The following GLRA3 variants were observed in gnomAD, a reference collection of about 807,000 sequenced individuals.
The protein encoded by GLRA3 is glycine receptor alpha 3, also known as glycine receptor subunit alpha-3.
Under a neutral mutation model 60.4 loss-of-function variants are expected in GLRA3, and 44 were observed. The observed-to-expected ratio is 0.73, with a 90% CI of 0.57 to 0.94. The LOEUF (loss-of-function observed/expected upper bound fraction) is 0.94, where lower values mean the gene tolerates loss of function less well. Among genes scored for constraint, GLRA3 ranks in the 40% least tolerant of loss-of-function variants. The probability of loss-of-function intolerance (pLI) is 0.00; values close to 1 mark genes in which losing one functional copy is unlikely to be tolerated. For synonymous variants in GLRA3, 223 were observed against 192.9 expected (o/e 1.16, Z -1.29); for missense variants, 508 against 564.6 (o/e 0.90, Z 1.02).
chr4:174,686,009 T>G (rs1734541965), intron 5 of GLRA3, among the ~76,000 whole-genome samples: 1 of 152,228 alleles, frequency 6.6e-6, no homozygotes, highest in African/African-American at 2.4e-5. Context: ...CTAATACAAT[T>G]TATAGACAGT....
chr4:174,781,987 T>C (rs1355772298), intron 2 of GLRA3, among the ~76,000 whole-genome samples: 3 of 150,816 alleles, frequency 2.0e-5, no homozygotes, highest in African/African-American at 7.3e-5. Flanking sequence ...ATCATTCTGA[T>C]ACCAAAGCCG....
intron 1 of GLRA3, among the ~76,000 whole-genome samples, chr4:174,807,174 G>A (rs1470576306): frequency 1.3e-5 from 2 of 151,986 alleles, no homozygotes; most frequent in African/African-American, 4.8e-5. Flanking sequence ...TTACGGTGTT[G>A]TAGCAATAAT....
At chr4:174,705,981 C>T (rs1735498960) in intron 5 of GLRA3, among the ~76,000 whole-genome samples, 1 of 151,998 alleles carries the variant, frequency 6.6e-6, no homozygotes, top group East Asian at 1.9e-4. Flanking sequence ...AAAAGATTAT[C>T]ACACTTTGGG....
intron 1 of GLRA3, among the ~76,000 whole-genome samples, chr4:174,805,736 T>A (rs1740021489): frequency 6.6e-6 from 1 of 152,134 alleles, no homozygotes; most frequent in Non-Finnish European, 1.5e-5. Flanking sequence ...TTCTGCATAA[T>A]AATAAAACAG....
chr4:174,667,847 C>T (rs772548353), intron 7 of GLRA3, among the ~76,000 whole-genome samples: 9 of 152,110 alleles, frequency 5.9e-5, no homozygotes, highest in Non-Finnish European at 1.0e-4. Flanking sequence ...GTGCAACTGA[C>T]CCCTGAAGTC....
At chr4:174,701,555 C>A (rs1735320925) in intron 5 of GLRA3, among the ~76,000 whole-genome samples, 1 of 152,080 alleles carries the variant, frequency 6.6e-6, no homozygotes, top group Non-Finnish European at 1.5e-5. Context: ...AACATTTTGT[C>A]CATTCTGTAA....
At chr4:174,673,961 C>T (rs1734006767) in intron 7 of GLRA3, among the ~76,000 whole-genome samples, 1 of 152,172 alleles carries the variant, frequency 6.6e-6, no homozygotes, top group African/African-American at 2.4e-5. Flanking sequence ...CAAATCCTGT[C>T]TGTTTTACTT....
chr4:174,774,267 C>T (rs2111256435), intron 2 of GLRA3, among the ~76,000 whole-genome samples: 2 of 152,156 alleles, frequency 1.3e-5, no homozygotes, highest in South Asian at 4.1e-4. Flanking sequence ...AACTTAGAAA[C>T]TAGACTAAAC....
intron 3 of GLRA3, among the ~76,000 whole-genome samples, chr4:174,732,508 C>G (rs768754168): frequency 2.0e-5 from 3 of 152,098 alleles, no homozygotes; most frequent in Non-Finnish European, 4.4e-5. Flanking sequence ...TATAGCAACA[C>G]TGTTAGCTCT....
rs1454350463 is a variant in GLRA3 at position 174,662,922 on chromosome 4, C to T, written c.928-3725G>A. On this transcript the variant is annotated intron_variant, in intron 7 of 9. Transcript: ENST00000274093. ...TGGTCACCATCACATCAGCGTTTGT[C>T]ACATGTACATATCTGCTGAGTGAAT... Among the ~76,000 whole-genome samples, 3 of 149,118 alleles carry T rather than the reference C, an allele frequency of 2.0e-5. No homozygotes were observed. The East Asian group carries it at 5.9e-4, about 29-fold the overall frequency.
chr4:174,679,041 A>G (rs1411063068), intron 6 of GLRA3, among the ~76,000 whole-genome samples: 2 of 152,160 alleles, frequency 1.3e-5, no homozygotes, highest in African/African-American at 2.4e-5. Flanking sequence ...ATCACTAATC[A>G]TCAGAAAAAT....
intron 1 of GLRA3, among the ~76,000 whole-genome samples, chr4:174,814,193 CT>C (rs1181641207): frequency 6.6e-6 from 1 of 152,164 alleles, no homozygotes; most frequent in Non-Finnish European, 1.5e-5. Context: ...TTGCACTTGC[CT>C]TCTTAGTACC....
intron 5 of GLRA3, among the ~76,000 whole-genome samples, chr4:174,693,983 A>G (rs1734957280): frequency 6.6e-6 from 1 of 152,204 alleles, no homozygotes; most frequent in South Asian, 2.1e-4. Flanking sequence ...ATAAAACATG[A>G]CAAAGAAGGG....
At position 174,641,516 on chromosome 4, in the gene GLRA3, T is replaced by C. The variant is rs910950616; in HGVS notation, c.*2270A>G. 2 of 152,068 alleles carry C rather than the reference T, an allele frequency of 1.3e-5. No homozygotes were observed. Among genetic ancestry groups the C allele is most frequent in the African/African-American group, 2.4e-5 (1 of 41,454 alleles). The allele number at this position is 152,068 out of a possible 1,614,324, so 9.4% of individuals were successfully genotyped here. A position where few individuals can be genotyped will look rare whatever the true frequency, so the allele number is the denominator to read the frequency against. On this transcript the variant is annotated 3_prime_UTR_variant, in exon 10 of 10. Transcript: ENST00000274093. Reference sequence around the variant, plus strand: ...TAGTGCAGTAAGACAGTGACAAATATAATAGGAAAGGAAAACTATGCCTAA... The same window carrying C: ...TAGTGCAGTAAGACAGTGACAAATACAATAGGAAAGGAAAACTATGCCTAA...
Position 174,692,368 on chromosome 4 carries a change from G to A in GLRA3, c.575-9429C>T, listed in dbSNP as rs181219400. ...CCGCCACGTCCGGGAGATGAGGGGC[G>A]CCTCTGCCTGGCCGCCCCTACTGGG... On this transcript the variant is annotated intron_variant, in intron 5 of 9. Coordinates refer to ENST00000274093, the MANE Select transcript of GLRA3 (RefSeq NM_006529.4). 7.5e-3 allele frequency among the ~76,000 whole-genome samples: 1,124 copies of A among 149,192 alleles called. 22 individuals are homozygous for A. Among genetic ancestry groups the A allele is most frequent in the African/African-American group, 0.026 (1,062 of 40,424 alleles).
intron 2 of GLRA3, among the ~76,000 whole-genome samples, chr4:174,775,925 T>C (rs1372488651): frequency 1.3e-5 from 2 of 151,796 alleles, no homozygotes; most frequent in Admixed American, 6.6e-5. Flanking sequence ...ACATAAAATA[T>C]AGAGCCAGAT....
intron 5 of GLRA3, among the ~76,000 whole-genome samples, chr4:174,710,013 CTAGAT>C (rs1239791526): frequency 1.3e-5 from 2 of 149,554 alleles, no homozygotes; most frequent in African/African-American, 4.9e-5. Context: ...CATGAATAAA[CTAGAT>C]TAATCATATT....
intron 1 of GLRA3, among the ~76,000 whole-genome samples, chr4:174,803,205 G>T (rs1236882752): frequency 6.6e-6 from 1 of 151,842 alleles, no homozygotes; most frequent in Non-Finnish European, 1.5e-5. Flanking sequence ...GAAATTCATG[G>T]TAATTGTTAT....
rs113154412 is a variant in GLRA3 at position 174,693,849 on chromosome 4, A to G, written c.575-10910T>C. 2.6e-3 allele frequency among the ~76,000 whole-genome samples: 403 copies of G among 152,302 alleles called. 3 individuals carry two copies. Among genetic ancestry groups the G allele is most frequent in the African/African-American group, 9.4e-3 (390 of 41,568 alleles). ...ATACTGTCCTCAAGAGACCAATCTCACAGGTAATGACACCCACTGCTCAAA... is the reference window on the plus strand; with the variant it reads ...ATACTGTCCTCAAGAGACCAATCTCGCAGGTAATGACACCCACTGCTCAAA... On this transcript the variant is annotated intron_variant, in intron 5 of 9. Coordinates refer to ENST00000274093, the MANE Select transcript of GLRA3 (RefSeq NM_006529.4).
Sources: allele counts gnomAD v4.1 joint callset (sites outside exome capture counted in the v4.1 genomes callset), GRCh38; gene constraint gnomAD v4.1.1; transcripts MANE v1.5; gene names NCBI Gene and HGNC (gene_info 2026-07-23, HGNC 2026-07-21).